MDFIC2: variants seen among roughly 807,000 people sequenced by gnomAD.
The protein encoded by MDFIC2 is myoD family inhibitor domain-containing protein 2.
At chr3:70,283,092 T>C (rs1394295082) in intron 2 of MDFIC2, among the ~76,000 whole-genome samples, 2 of 152,134 alleles carry the variant, frequency 1.3e-5, no homozygotes, top group African/African-American at 4.8e-5. Flanking sequence ...CCAATAGGTC[T>C]TGGGTATATT....
In MDFIC2 at chr3:70,215,419, C is replaced by T. The variant is rs148262167; in HGVS notation, c.89-8629G>A. 4.6e-5 allele frequency among the ~76,000 whole-genome samples: 7 copies of T among 152,224 alleles called. No individual in the cohort carries two copies. The East Asian group carries it at 1.4e-3, about 29-fold the overall frequency. ...TTTGTCCCTTCTGACTTACCCCTCT[C>T]CAGGTTAATTGATCCTGCTGGTATT... On this transcript the variant is annotated intron_variant, in intron 2 of 3. Coordinates refer to ENST00000567252, the MANE Select transcript of MDFIC2 (RefSeq NM_001364677.1).
chr3:70,272,194 G>T (rs1701982047), intron 2 of MDFIC2: 1 of 152,160 alleles, frequency 6.6e-6, no homozygotes, highest in Non-Finnish European at 1.5e-5. Context: ...CAAATGCATA[G>T]TGGGGGTTTG....
At chr3:70,253,973 AG>A (rs1701791761) in intron 2 of MDFIC2, among the ~76,000 whole-genome samples, 1 of 152,212 alleles carries the variant, frequency 6.6e-6, no homozygotes, top group Non-Finnish European at 1.5e-5. Context: ...GGCATAATAT[AG>A]CTAGCTCAGA....
chr3:70,233,115 G>A (rs1279757534), intron 2 of MDFIC2, among the ~76,000 whole-genome samples: 1 of 152,184 alleles, frequency 6.6e-6, no homozygotes, highest in Admixed American at 6.5e-5. Flanking sequence ...CTTAAACCTG[G>A]GAGGCAGAGT....
At chr3:70,265,571 T>C (rs1324517267) in intron 2 of MDFIC2, among the ~76,000 whole-genome samples, 1 of 152,148 alleles carries the variant, frequency 6.6e-6, no homozygotes, top group Non-Finnish European at 1.5e-5. Flanking sequence ...GGGGTTGCAT[T>C]ATCAAGGTGC....
Position 70,196,551 on chromosome 3 carries a change from A to G in MDFIC2, c.*375T>C, listed in dbSNP as rs1323768467. Among the ~76,000 whole-genome samples, 10 of 152,206 alleles carry G rather than the reference A, an allele frequency of 6.6e-5. No homozygotes were observed. The highest frequency in any genetic ancestry group is 6.5e-4 in the Admixed American group (10 of 15,280). Reference sequence around the variant, plus strand: ...ATGTATGTCAATTCTAAAAGAATGCACTAATTTGTCCTGAATTTGTGAATG... The same window carrying G: ...ATGTATGTCAATTCTAAAAGAATGCGCTAATTTGTCCTGAATTTGTGAATG... On this transcript the variant is annotated 3_prime_UTR_variant, in exon 4 of 4. Transcript: ENST00000567252.
At chr3:70,289,631 C>T (rs1202862302) in intron 2 of MDFIC2, among the ~76,000 whole-genome samples, 1 of 151,226 alleles carries the variant, frequency 6.6e-6, no homozygotes, top group African/African-American at 2.4e-5. Flanking sequence ...GGGAAATTCT[C>T]CTGGATAATA....
intron 2 of MDFIC2, among the ~76,000 whole-genome samples, chr3:70,310,370 A>G (rs953073766): frequency 6.6e-6 from 1 of 151,548 alleles, no homozygotes; most frequent in African/African-American, 2.4e-5. Flanking sequence ...TTTATGTATT[A>G]TTATTATTTT....
chr3:70,299,620 C>T (rs1439895486), intron 2 of MDFIC2, among the ~76,000 whole-genome samples: 2 of 152,064 alleles, frequency 1.3e-5, no homozygotes, highest in African/African-American at 4.8e-5. Context: ...GTTTTCATTG[C>T]CCTGAAAACC....
intron 2 of MDFIC2, among the ~76,000 whole-genome samples, chr3:70,252,404 G>C (rs994633535): frequency 6.6e-6 from 1 of 152,130 alleles, no homozygotes. Flanking sequence ...TTGGGGAGTG[G>C]GTCTTAACTG....
intron 2 of MDFIC2, among the ~76,000 whole-genome samples, chr3:70,260,050 G>T (rs1214673071): frequency 1.3e-5 from 2 of 152,128 alleles, no homozygotes; most frequent in Non-Finnish European, 2.9e-5. Flanking sequence ...GGGATTATAG[G>T]TTATAATTCA....
At chr3:70,218,373 A>G (rs1283730302) in intron 2 of MDFIC2, among the ~76,000 whole-genome samples, 2 of 152,038 alleles carry the variant, frequency 1.3e-5, no homozygotes, top group East Asian at 3.9e-4. Flanking sequence ...TGGGCTTGCT[A>G]TTTTTCCCTT....
intron 2 of MDFIC2, among the ~76,000 whole-genome samples, chr3:70,261,558 TCCAAGGTA>T (rs1413802898): frequency 1.3e-5 from 2 of 152,158 alleles, no homozygotes; most frequent in Non-Finnish European, 2.9e-5. Context: ...CATTGCTAGT[TCCAAGGTA>T]CCATGCTCAC....
At chr3:70,283,991 A>G (rs1338434935) in intron 2 of MDFIC2, 1 of 152,092 alleles carries the variant, frequency 6.6e-6, no homozygotes, top group African/African-American at 2.4e-5. Context: ...CCCTACTGTC[A>G]TACAGAAGGG....
At chr3:70,256,795 C>T (rs1038579647) in intron 2 of MDFIC2, among the ~76,000 whole-genome samples, 3 of 152,200 alleles carry the variant, frequency 2.0e-5, no homozygotes, top group African/African-American at 7.2e-5. Context: ...GTTCTCTAAA[C>T]ATATGTAATA....
At chr3:70,245,671 T>TTATATATATATATA (rs34480688) in intron 2 of MDFIC2, among the ~76,000 whole-genome samples, 4 of 57,238 alleles carry the variant, frequency 7.0e-5, no homozygotes, top group Non-Finnish European at 1.0e-4. Flanking sequence ...GCAAACTGCT[T>TTATATATATATATA]TATATATATA....
At chr3:70,309,662 A>G (rs759606124) in intron 2 of MDFIC2, among the ~76,000 whole-genome samples, 16 of 152,092 alleles carry the variant, frequency 1.1e-4, no homozygotes, top group Non-Finnish European at 1.5e-4. Context: ...ATGCCAACCC[A>G]TATACTTTTT....
chr3:70,265,490 C>T (rs1430306678), intron 2 of MDFIC2, among the ~76,000 whole-genome samples: 1 of 141,508 alleles, frequency 7.1e-6, no homozygotes, highest in Admixed American at 6.9e-5. Context: ...TACCTCCATA[C>T]TCCCTGCACA....
At chr3:70,275,415 T>A (rs986075926) in intron 2 of MDFIC2, among the ~76,000 whole-genome samples, 3 of 152,144 alleles carry the variant, frequency 2.0e-5, no homozygotes, top group Non-Finnish European at 2.9e-5. Context: ...CTAGGGAGGC[T>A]GAGGTGGGAG....
Sources: allele counts gnomAD v4.1 joint callset (sites outside exome capture counted in the v4.1 genomes callset), GRCh38; gene constraint gnomAD v4.1.1; transcripts MANE v1.5; gene names NCBI Gene and HGNC (gene_info 2026-07-23, HGNC 2026-07-21).